The following CIZ1 variants were observed in gnomAD, a reference collection of about 807,000 sequenced individuals.
CIZ1 encodes the protein cip1-interacting zinc finger protein.
A neutral mutation model predicts 118.6 loss-of-function variants in CIZ1; 58 were observed. The ratio of observed to expected loss-of-function variants is 0.49; its 90% CI spans 0.40 to 0.61. The LOEUF (loss-of-function observed/expected upper bound fraction) is 0.61, where lower values mean the gene tolerates loss of function less well. Ranked by LOEUF, CIZ1 falls within the 20% of genes least tolerant of loss-of-function variation. The pLI is 0.00. For synonymous variants in CIZ1, 448 were observed against 443.4 expected (o/e 1.01, Z -0.13); for missense variants, 921 against 1,115.9 (o/e 0.83, Z 2.49).
chr9:128,193,060 C>T (rs555654101), upstream of CIZ1, among the ~76,000 whole-genome samples: 4 of 152,334 alleles, frequency 2.6e-5, no homozygotes, highest in Admixed American at 6.5e-5. Context: ...GTGACGAGCG[C>T]CGCTCCAAAG....
Position 128,180,802 on chromosome 9 carries a change from G to A in CIZ1, c.601C>T (p.Gln201Ter). 1 of 1,610,134 alleles carries A rather than the reference G, an allele frequency of 6.2e-7. No individual in the cohort carries two copies. Among genetic ancestry groups the A allele is most frequent in the Non-Finnish European group, 8.5e-7 (1 of 1,178,338 alleles). Reference sequence around the variant, plus strand: ...GACTTGTCTTCCACAGGCATTGTCTGAGAAGAAGAATCCTGCTTCCTTTCA... The same window carrying A: ...GACTTGTCTTCCACAGGCATTGTCTAAGAAGAAGAATCCTGCTTCCTTTCA... ...TTPNRKDSSS[Q>*]TMPVEDKSDP... is the part of the protein sequence containing the mutation. Residue 201 changes from glutamine (Q) to a stop codon, truncating the protein, a stop_gained, in exon 6 of 17, where the codon CAG becomes TAG. Coordinates refer to ENST00000372938, the MANE Select transcript of CIZ1 (RefSeq NM_001131016.2). LOFTEE classifies it high-confidence loss of function.
intron 5 of CIZ1, among the ~76,000 whole-genome samples, chr9:128,183,695 C>T (rs1030112068): frequency 6.6e-6 from 1 of 152,208 alleles, no homozygotes; most frequent in Non-Finnish European, 1.5e-5. Flanking sequence ...CCGGCAACAG[C>T]GTATAGCTTA....
chr9:128,189,299 TC>T (rs1832836312), intron 3 of CIZ1, among the ~76,000 whole-genome samples: 1 of 152,144 alleles, frequency 6.6e-6, no homozygotes, highest in Admixed American at 6.5e-5. Context: ...ATGTGGCAGG[TC>T]CCTGTGTATG....
intron 11 of CIZ1, among the ~76,000 whole-genome samples, chr9:128,172,782 A>T (rs1028312568): frequency 4.6e-5 from 7 of 152,176 alleles, no homozygotes; most frequent in African/African-American, 1.7e-4. Context: ...GGTGATTTTT[A>T]TCTTCTCATG....
Position 128,166,718 on chromosome 9 carries a change from G to A in CIZ1, c.2487+41C>T, listed in dbSNP as rs762526059. On this transcript the variant is annotated intron_variant, in intron 16 of 16. Coordinates refer to ENST00000372938, the MANE Select transcript of CIZ1 (RefSeq NM_001131016.2). The surrounding 1 kb of genome is among the most constrained non-coding windows in gnomAD (Gnocchi z 4.4). The stretch of plus-strand genomic sequence containing the variant: ...CCGAATCAGCTTGGATTAAGACTAA[G>A]TCTGTGGCCAGGGGAGGACAGGGCA... 6.2e-7 allele frequency: 1 copy of A among 1,613,868 alleles called. No individual in the cohort carries two copies.
At chr9:128,172,387 A>G (rs1041687848) in intron 11 of CIZ1, among the ~76,000 whole-genome samples, 2 of 151,874 alleles carry the variant, frequency 1.3e-5, no homozygotes, top group Admixed American at 1.3e-4. Context: ...CCAGCTACTT[A>G]GGAGGCTGAG....
chr9:128,180,951 C>G (rs1831520204), intron 5 of CIZ1, 137 bp from the exon 6 acceptor site: 1 of 662,938 alleles, frequency 1.5e-6, no homozygotes, highest in Non-Finnish European at 2.6e-6. Flanking sequence ...CCCAGAGTTG[C>G]CGAGTGGATG....
chr9:128,168,174 C>T (rs1233724835), intron 14 of CIZ1, among the ~76,000 whole-genome samples: 1 of 152,212 alleles, frequency 6.6e-6, no homozygotes, highest in Admixed American at 6.5e-5. Context: ...TCCCTGCTTC[C>T]AGCACCAGGG....
At chr9:128,174,171 C>T (rs1056464422) in intron 11 of CIZ1, among the ~76,000 whole-genome samples, 2 of 152,212 alleles carry the variant, frequency 1.3e-5, no homozygotes, top group African/African-American at 4.8e-5. Context: ...GGGAACACCC[C>T]CCTGCCTTCC....
rs1394500039 is a variant in CIZ1, at chr9:128,177,689, G to T, written c.1695C>A (p.Pro565=). 1 of 1,606,548 alleles carries T rather than the reference G, an allele frequency of 6.2e-7. No homozygotes were observed. The highest frequency in any genetic ancestry group is 2.2e-5 in the East Asian group (1 of 44,522). ...SSDSRAFSTV[P]LTPVPRPSDS... ...CACTGGGGCGGGGGACAGGTGTCAG[G>T]GGTACAGTGCTAAAGGCCCGGCTGT... The change falls in exon 10 of 17, where the codon CCC becomes CCA. Residue 565 remains proline, a synonymous_variant. Transcript: ENST00000372938.
In CIZ1 at chr9:128,173,930, C is replaced by T. The variant is rs1380968147; in HGVS notation, c.1943+2421G>A. 3.3e-5 allele frequency among the ~76,000 whole-genome samples: 5 copies of T among 151,966 alleles called. 1 individual carries two copies. The highest frequency in any genetic ancestry group is 4.1e-4 in the South Asian group (2 of 4,826). Reference sequence around the variant, plus strand: ...CGGAGGCAGGAGAATGGCGTGAACCCAGGAGGCGGAGCTTGCAGTGAGCCG... The same window carrying T: ...CGGAGGCAGGAGAATGGCGTGAACCTAGGAGGCGGAGCTTGCAGTGAGCCG... On this transcript the variant is annotated intron_variant, in intron 11 of 16. Coordinates refer to ENST00000372938, the MANE Select transcript of CIZ1 (RefSeq NM_001131016.2).
Position 128,177,551 on chromosome 9 carries a change from C to CAAAA in CIZ1, c.1818+14_1818+15insTTTT. On this transcript the variant is annotated intron_variant, in intron 10 of 16. Coordinates refer to ENST00000372938, the MANE Select transcript of CIZ1 (RefSeq NM_001131016.2). ...AGGCCCCACCCCTCCCCACCCTTAT[C>CAAAA]TCCTGTATCAGTACCTGCTGGCTGG... The CAAAA allele has an allele frequency of 2.7e-6, 1 of 374,542 alleles. No individual in the cohort carries two copies. Among genetic ancestry groups the CAAAA allele is most frequent in the Non-Finnish European group, 5.5e-6 (1 of 182,870 alleles). The allele number at this position is 374,542 out of a possible 1,614,324, so 23.2% of individuals were successfully genotyped here.
intron 3 of CIZ1, 98 bp downstream of exon 3, chr9:128,190,231 C>A: frequency 1.2e-6 from 1 of 818,272 alleles, no homozygotes; most frequent in African/African-American, 1.7e-5. Context: ...AGAATAGCTC[C>A]CTCTCAGGGT....
intron 4 of CIZ1, among the ~76,000 whole-genome samples, chr9:128,186,939 CT>C (rs549888043): frequency 0.087 from 11,738 of 134,374 alleles, 766 homozygotes; most frequent in East Asian, 0.39. Flanking sequence ...TCCTTGTCTG[CT>C]TTTTTTTTTT....
In CIZ1 at chr9:128,166,823, T is replaced by C; in HGVS notation, c.2423A>G (p.Tyr808Cys). 1 of 1,614,154 alleles carries C rather than the reference T, an allele frequency of 6.2e-7. No homozygotes were observed. The highest frequency in any genetic ancestry group is 2.2e-5 in the East Asian group (1 of 44,882). Residue 808 changes from tyrosine (Y) to cysteine (C), a missense_variant, in exon 16 of 17, where the codon TAT becomes TGT. Physicochemically the swap from Tyr to Cys is radical, Grantham distance 194. Transcript: ENST00000372938. The surrounding 1 kb of genome is among the most constrained non-coding windows in gnomAD (Gnocchi z 4.4). ...GAGCTGTGCCCCTGAGTTGCTGTGA[T>C]AGAACTTGTGGCAGATGCGGCAGAT... ...GYICRICHKF[Y>C]HSNSGAQLSH...
chr9:128,175,391 A>G (rs774494282), intron 11 of CIZ1, among the ~76,000 whole-genome samples: 5 of 152,010 alleles, frequency 3.3e-5, no homozygotes, highest in Non-Finnish European at 7.4e-5. Context: ...ACCAAGTAGA[A>G]AACCACTCAA....
intron 5 of CIZ1, among the ~76,000 whole-genome samples, chr9:128,185,122 T>C (rs1832192917): frequency 6.6e-6 from 1 of 151,842 alleles, no homozygotes; most frequent in South Asian, 2.1e-4. Context: ...TTACTAAAAA[T>C]ACAAAATTAG....
At chr9:128,182,519 C>T (rs1664567926) in intron 5 of CIZ1, among the ~76,000 whole-genome samples, 1 of 152,188 alleles carries the variant, frequency 6.6e-6, no homozygotes, top group Non-Finnish European at 1.5e-5. Flanking sequence ...TTCCTGCAGC[C>T]CTGGTGCACG....
chr9:128,166,775 T>C lies in CIZ1; in HGVS notation c.2471A>G (p.His824Arg). The change falls in exon 16 of 17, where the codon CAC becomes CGC. Residue 824 changes from histidine (H) to arginine (R), a missense_variant. By Grantham distance (29) the His-to-Arg change is conservative (BLOSUM62 0). Coordinates refer to ENST00000372938, the MANE Select transcript of CIZ1 (RefSeq NM_001131016.2). The surrounding 1 kb of genome is among the most constrained non-coding windows in gnomAD (Gnocchi z 4.4). ...CCGGCTCACCTGCAGGTTCTCAAAG[T>C]GGCCCAGGGACTTGCAGTGGGAGAG... Reference protein sequence around the residue: ...AQLSHCKSLGHFENLQKYKAA... With the variant: ...AQLSHCKSLGRFENLQKYKAA... The C allele has an allele frequency of 1.2e-6, 2 of 1,614,182 alleles. No individual in the cohort carries two copies. The highest frequency in any genetic ancestry group is 1.7e-6 in the Non-Finnish European group (2 of 1,180,016).
Sources: gnomAD v4.1 joint callset for allele counts (sites outside exome capture counted in the v4.1 genomes callset) on GRCh38, gnomAD v4.1.1 for gene constraint, Gnocchi (gnomAD v3.1) non-coding constraint, MANE v1.5 for transcripts, NCBI Gene and HGNC (gene_info 2026-07-23, HGNC 2026-07-21) for gene names.